The following CASK variants were observed in gnomAD, a reference collection of about 807,000 sequenced individuals.
CASK encodes calcium/calmodulin dependent serine protein kinase.
Under a neutral mutation model 82.9 loss-of-function variants are expected in CASK, and 4 were observed. That is an observed-to-expected ratio of 0.05 (90% CI 0.02 to 0.11). CASK has a LOEUF of 0.11. Among genes scored for constraint, CASK ranks in the 10% least tolerant of loss-of-function variants. CASK has a pLI of 1.00. For synonymous variants in CASK, 259 were observed against 253.5 expected (o/e 1.02, Z -0.20); for missense variants, 358 against 720.9 (o/e 0.50, Z 5.76).
chrX:41,744,494 C>T (rs2147733086), intron 4 of CASK, among the ~76,000 whole-genome samples: 1 of 110,505 alleles, frequency 9.0e-6, no homozygotes, highest in East Asian at 2.9e-4. Flanking sequence ...TACAGGCTCC[C>T]GCCACCACGC....
intron 1 of CASK, among the ~76,000 whole-genome samples, chrX:41,891,308 C>T (rs1601946161): frequency 1.6e-5 from 1 of 61,275 alleles, no homozygotes; most frequent in Non-Finnish European, 2.9e-5. Context: ...GGTGACAAAA[C>T]TGCAAAAGAC....
intron 2 of CASK, among the ~76,000 whole-genome samples, chrX:41,794,638 C>T (rs1363968352): frequency 9.0e-6 from 1 of 111,596 alleles, no homozygotes; most frequent in Non-Finnish European, 1.9e-5. Flanking sequence ...TGTTAGAGCC[C>T]GAAGGAACTT....
intron 11 of CASK, among the ~76,000 whole-genome samples, chrX:41,611,935 G>A (rs1296340091): frequency 1.4e-4 from 16 of 111,714 alleles, no homozygotes; most frequent in Middle Eastern, 4.7e-3. Context: ...TCCTAACCGC[G>A]AGTGATCCGC....
At chrX:41,571,660 A>G (rs1451596461) in intron 15 of CASK, among the ~76,000 whole-genome samples, 2 of 111,112 alleles carry the variant, frequency 1.8e-5, no homozygotes, top group Admixed American at 1.9e-4. Flanking sequence ...TTCTACTTTG[A>G]TCTTTATTAT....
chrX:41,563,668 T>C (rs779695615), intron 16 of CASK, among the ~76,000 whole-genome samples: 1 of 110,924 alleles, frequency 9.0e-6, no homozygotes, highest in South Asian at 3.7e-4. Context: ...GAAGAAGCTC[T>C]CTGCAATATT....
intron 5 of CASK, among the ~76,000 whole-genome samples, chrX:41,726,289 A>T (rs1363000943): frequency 4.5e-5 from 5 of 112,138 alleles, no homozygotes; most frequent in Admixed American, 1.9e-4. Context: ...ACTTTTATTG[A>T]AGTATGACAG....
chrX:41,916,473 C>T (rs1343928776), intron 1 of CASK, among the ~76,000 whole-genome samples: 4 of 111,620 alleles, frequency 3.6e-5, no homozygotes, highest in African/African-American at 9.8e-5. Flanking sequence ...TTTGGTGCTT[C>T]TAGAATCTTC....
intron 11 of CASK, among the ~76,000 whole-genome samples, chrX:41,620,645 A>T (rs1425460609): frequency 8.9e-6 from 1 of 112,238 alleles, no homozygotes; most frequent in Non-Finnish European, 1.9e-5. Context: ...CTTTGCAGCC[A>T]ATCTCTTCCC....
intron 8 of CASK, among the ~76,000 whole-genome samples, chrX:41,637,815 T>C (rs1261659395): frequency 9.2e-6 from 1 of 108,947 alleles, no homozygotes; most frequent in African/African-American, 3.3e-5. Context: ...GGCTAAGTTT[T>C]GTATTTTTTG....
chrX:41,870,910 G>A (rs1045348856), intron 1 of CASK, among the ~76,000 whole-genome samples: 1 of 111,886 alleles, frequency 8.9e-6, no homozygotes, highest in African/African-American at 3.3e-5. Context: ...CAAATTTACC[G>A]GCTTAAAACA....
intron 8 of CASK, among the ~76,000 whole-genome samples, chrX:41,640,364 T>C: frequency 9.1e-6 from 1 of 110,455 alleles, no homozygotes; most frequent in Non-Finnish European, 1.9e-5. Context: ...CCACCACGCC[T>C]GGCTAATTTT....
Position 41,515,918 on chromosome X carries a change from G to A in CASK, c.*4502C>T, listed in dbSNP as rs2064542725. 8.9e-6 allele frequency: 1 copy of A among 112,592 alleles called. No homozygotes were observed. The highest frequency in any genetic ancestry group is 3.7e-4 in the South Asian group (1 of 2,702). The allele number at this position is 112,592 out of a possible 1,213,427, so 9.3% of individuals were successfully genotyped here. On this transcript the variant is annotated 3_prime_UTR_variant, in exon 27 of 27. Transcript: ENST00000378163. Reference sequence around the variant, plus strand: ...TCTGAGCATACGCAGAGATGGAGTTGTGCTTGGGGCCAGAAAGGAGGTCTC... The same window carrying A: ...TCTGAGCATACGCAGAGATGGAGTTATGCTTGGGGCCAGAAAGGAGGTCTC...
In CASK at chrX:41,555,614, G is replaced by A; in HGVS notation, c.1828C>T (p.Pro610Ser). Reference protein sequence around the residue: ...SVSDLPSTTQPKGRQIYVRAQ... With the variant: ...SVSDLPSTTQSKGRQIYVRAQ... The stretch of plus-strand genomic sequence containing the variant: ...TATCTATTCACCTGTCGTCCTTTTG[G>A]TTGGGTAGTTGATGGCAAGTCCTGT... The change falls in exon 20 of 27, where the codon CCA becomes TCA. Residue 610 changes from proline (P) to serine (S), a missense_variant. Transcript: ENST00000378163. The A allele has an allele frequency of 8.3e-7, 1 of 1,204,497 alleles. No homozygotes were observed. Among genetic ancestry groups the A allele is most frequent in the East Asian group, 3.0e-5 (1 of 33,817 alleles).
chrX:41,638,445 T>G (rs781775434), intron 8 of CASK, among the ~76,000 whole-genome samples: 2 of 110,594 alleles, frequency 1.8e-5, no homozygotes, highest in Non-Finnish European at 3.8e-5. Flanking sequence ...CCCAGCTACT[T>G]GGGAGGCTGA....
intron 2 of CASK, among the ~76,000 whole-genome samples, chrX:41,830,688 C>T (rs771380066): frequency 3.7e-5 from 4 of 107,635 alleles, no homozygotes; most frequent in Non-Finnish European, 5.8e-5. Context: ...GGCGTGGTGG[C>T]GGGTGCCTGT....
chrX:41,636,526 C>T (rs2066557487), intron 9 of CASK, 52 bp downstream of exon 9: 5 of 755,337 alleles, frequency 6.6e-6, no homozygotes, highest in Non-Finnish European at 1.0e-5. Context: ...AGAATAAAAA[C>T]ATGATCATTA....
At chrX:41,696,903 T>C (rs1242356805) in intron 5 of CASK, 1 of 430,519 alleles carries the variant, frequency 2.3e-6, no homozygotes, top group Non-Finnish European at 3.9e-6. Flanking sequence ...GTATTTGTGA[T>C]ATTTCATTTG....
chrX:41,657,370 G>C (rs1420433073), intron 8 of CASK, among the ~76,000 whole-genome samples: 1 of 112,315 alleles, frequency 8.9e-6, no homozygotes, highest in Non-Finnish European at 1.9e-5. Flanking sequence ...TTAGAACCTG[G>C]CAAGATCAAT....
chrX:41,835,781 G>A (rs767029473), intron 2 of CASK, among the ~76,000 whole-genome samples: 5 of 112,130 alleles, frequency 4.5e-5, no homozygotes, highest in Non-Finnish European at 9.4e-5. Flanking sequence ...AAAGAAGTAA[G>A]TTTTCTTTTC....
Sources: allele counts gnomAD v4.1 joint callset (sites outside exome capture counted in the v4.1 genomes callset), GRCh38; gene constraint gnomAD v4.1.1; transcripts MANE v1.5; gene names NCBI Gene and HGNC (gene_info 2026-07-23, HGNC 2026-07-21).